Variants in B3GALT1 observed in about 807,000 individuals in gnomAD.
The protein encoded by B3GALT1 is UDP-Gal:betaGlcNAc beta 1,3-galactosyltransferase, polypeptide 1.
A neutral mutation model predicts 23.2 loss-of-function variants in B3GALT1; 10 were observed. That is an observed-to-expected ratio of 0.43 (90% CI 0.27 to 0.73). The LOEUF is 0.73. B3GALT1 is among the 30% of genes least tolerant of loss of function. B3GALT1 has a pLI of 0.21. For missense variants in B3GALT1, 299 were observed against 405.4 expected, an observed-to-expected ratio of 0.74 and a Z score of 2.25; for synonymous variants, 156 against 141.5, an observed-to-expected ratio of 1.10 and a Z score of -0.73.
chr2:167,310,184 C>T (rs1416532744), intron 1 of B3GALT1, among the ~76,000 whole-genome samples: 1 of 151,718 alleles, frequency 6.6e-6, no homozygotes, highest in Non-Finnish European at 1.5e-5. Context: ...CAAACTGTTT[C>T]CATTTAGCAA....
At chr2:167,513,363 AC>A (rs1326542641) in intron 2 of B3GALT1, among the ~76,000 whole-genome samples, 2 of 152,208 alleles carry the variant, frequency 1.3e-5, no homozygotes, top group Non-Finnish European at 2.9e-5. Flanking sequence ...AAAAGGGGAA[AC>A]AAAGGAAAGA....
chr2:167,674,521 A>G (rs929817265), intron 3 of B3GALT1, among the ~76,000 whole-genome samples: 5 of 152,236 alleles, frequency 3.3e-5, no homozygotes, highest in African/African-American at 1.2e-4. Flanking sequence ...ACCTTCAGAT[A>G]AGCTTTTCTC....
intron 1 of B3GALT1, among the ~76,000 whole-genome samples, chr2:167,365,073 T>C (rs987705794): frequency 1.3e-5 from 2 of 152,148 alleles, no homozygotes; most frequent in Non-Finnish European, 2.9e-5. Flanking sequence ...GGTGTTGCGT[T>C]TTCTGATTTG....
At chr2:167,855,098 T>G (rs545713790) in intron 4 of B3GALT1, among the ~76,000 whole-genome samples, 258 of 152,270 alleles carry the variant, frequency 1.7e-3, no homozygotes, top group South Asian at 2.9e-3. Context: ...CAGTTTTCAT[T>G]TAAAAATACT....
chr2:167,652,528 G>C (rs1685885848), intron 3 of B3GALT1, among the ~76,000 whole-genome samples: 1 of 152,182 alleles, frequency 6.6e-6, no homozygotes, highest in Admixed American at 6.6e-5. Context: ...CATCACAAAT[G>C]AATTCCTCAG....
rs1690320889 is a variant in B3GALT1, at chr2:167,870,458, A to T, written c.*438A>T. ...AGACACACTGGATGTGATTATTAAT[A>T]TCGTGTGTGTTGTTACATTATATTT... On this transcript the variant is annotated 3_prime_UTR_variant, in exon 5 of 5. Transcript: ENST00000392690. 1.2e-5 allele frequency: 2 copies of T among 172,410 alleles called. No individual in the cohort carries two copies. The highest frequency in any genetic ancestry group is 1.2e-4 in the Admixed American group (2 of 16,394). 10.7% of individuals were successfully genotyped at this position (172,410 alleles called of 1,614,324 possible). A position where few individuals can be genotyped will look rare whatever the true frequency, so the allele number is the denominator to read the frequency against.
At chr2:167,749,772 A>C (rs1236305978) in intron 3 of B3GALT1, among the ~76,000 whole-genome samples, 1 of 152,224 alleles carries the variant, frequency 6.6e-6, no homozygotes, top group Non-Finnish European at 1.5e-5. Flanking sequence ...TTTTATAGCA[A>C]AAAGAATTCT....
chr2:167,758,271 A>T (rs540407249), intron 3 of B3GALT1, among the ~76,000 whole-genome samples: 151 of 152,194 alleles, frequency 9.9e-4, no homozygotes, highest in Non-Finnish European at 1.5e-3. Context: ...GGTTGTAATC[A>T]CTTGTGAATA....
intron 3 of B3GALT1, among the ~76,000 whole-genome samples, chr2:167,702,272 A>G (rs895726115): frequency 1.3e-5 from 2 of 152,198 alleles, no homozygotes; most frequent in African/African-American, 4.8e-5. Context: ...AGGATCTCAT[A>G]TAGTCAAACC....
chr2:167,519,898 A>G (rs752892235), intron 2 of B3GALT1, among the ~76,000 whole-genome samples: 9 of 151,900 alleles, frequency 5.9e-5, no homozygotes, highest in Non-Finnish European at 4.4e-5. Context: ...ATGGGGAAAT[A>G]TCATCTCTAC....
At chr2:167,587,161 T>C in intron 2 of B3GALT1, among the ~76,000 whole-genome samples, 1 of 152,348 alleles carries the variant, frequency 6.6e-6, no homozygotes, top group African/African-American at 2.4e-5. Flanking sequence ...ATCCTAACTA[T>C]ATACTGTGCT....
chr2:167,630,613 T>C (rs1051160178), intron 2 of B3GALT1, among the ~76,000 whole-genome samples: 1 of 151,398 alleles, frequency 6.6e-6, no homozygotes, highest in Non-Finnish European at 1.5e-5. Flanking sequence ...ATCTGCAGTT[T>C]ACATTGAAAT....
Position 167,427,676 on chromosome 2 carries a change from A to G in B3GALT1, c.-510-62501A>G, listed in dbSNP as rs78346765. ...CTCAGCCTCCTGAATAGTGAGGACT[A>G]CAGGCGGACACCACACCCAGCTAGT... On this transcript the variant is annotated intron_variant, in intron 1 of 4. Transcript: ENST00000392690. 1.1e-3 allele frequency among the ~76,000 whole-genome samples: 175 copies of G among 152,306 alleles called. 1 individual carries two copies. In the East Asian group the frequency reaches 0.018, roughly 16 times the overall value.
chr2:167,688,697 C>T (rs1048691144), intron 3 of B3GALT1, among the ~76,000 whole-genome samples: 1 of 151,912 alleles, frequency 6.6e-6, no homozygotes, highest in African/African-American at 2.4e-5. Context: ...TCATCAGAGT[C>T]TTAGAACTAG....
At chr2:167,511,909 A>G (rs1293231721) in intron 2 of B3GALT1, among the ~76,000 whole-genome samples, 1 of 152,212 alleles carries the variant, frequency 6.6e-6, no homozygotes, top group Non-Finnish European at 1.5e-5. Context: ...ATTATTGGGC[A>G]TCCACCATGT....
rs1363963447 is a variant in B3GALT1, at chr2:167,710,337, C to T, written c.-352+63371C>T. 2.0e-5 allele frequency among the ~76,000 whole-genome samples: 3 copies of T among 152,292 alleles called. No homozygotes were observed. The East Asian group carries it at 5.8e-4, about 29-fold the overall frequency. On this transcript the variant is annotated intron_variant, in intron 3 of 4. Transcript: ENST00000392690. The stretch of plus-strand genomic sequence containing the variant: ...CCCTAGAATAGACCCAGTAGGGTGT[C>T]AATCCACAGAATTTTTAAATTAGAA...
intron 2 of B3GALT1, among the ~76,000 whole-genome samples, chr2:167,604,155 A>G (rs1410159985): frequency 6.6e-6 from 1 of 152,178 alleles, no homozygotes; most frequent in East Asian, 1.9e-4. Flanking sequence ...CACAATAAGT[A>G]TTCTGTTCCT....
At chr2:167,657,410 G>A (rs1239567102) in intron 3 of B3GALT1, among the ~76,000 whole-genome samples, 1 of 152,042 alleles carries the variant, frequency 6.6e-6, no homozygotes, top group Non-Finnish European at 1.5e-5. Context: ...GGAAGCCTGC[G>A]GGACAGCCTG....
chr2:167,349,823 A>G (rs936169359), intron 1 of B3GALT1, among the ~76,000 whole-genome samples: 1 of 152,120 alleles, frequency 6.6e-6, no homozygotes, highest in African/African-American at 2.4e-5. Context: ...TTAGTATTCC[A>G]TAAAGACGTA....
Sources: gnomAD v4.1 joint callset for allele counts (sites outside exome capture counted in the v4.1 genomes callset) on GRCh38, gnomAD v4.1.1 for gene constraint, MANE v1.5 for transcripts, NCBI Gene and HGNC (gene_info 2026-07-23, HGNC 2026-07-21) for gene names.